The following RBM33 variants were observed in gnomAD, a reference collection of about 807,000 sequenced individuals.
The protein encoded by RBM33 is RNA binding motif protein 33.
A neutral mutation model predicts 132.6 loss-of-function variants in RBM33; 28 were observed. That is an observed-to-expected ratio of 0.21 (90% CI 0.16 to 0.29). The LOEUF (loss-of-function observed/expected upper bound fraction) is 0.29. Ranked by LOEUF, RBM33 falls within the 10% of genes least tolerant of loss-of-function variation. The pLI is 1.00. For synonymous variants in RBM33, 634 were observed against 593.0 expected, an observed-to-expected ratio of 1.07 and a Z score of -1.01; for missense variants, 1,291 against 1,518.5, an observed-to-expected ratio of 0.85 and a Z score of 2.49.
At chr7:155,763,376 C>T (rs1802099927) in intron 14 of RBM33, among the ~76,000 whole-genome samples, 1 of 152,180 alleles carries the variant, frequency 6.6e-6, no homozygotes, top group South Asian at 2.1e-4. Context: ...TCATTGCCTT[C>T]TTAGGGTAGG....
chr7:155,694,251 A>G (rs1799728311), intron 5 of RBM33, among the ~76,000 whole-genome samples: 1 of 152,196 alleles, frequency 6.6e-6, no homozygotes, highest in Non-Finnish European at 1.5e-5. Context: ...AAATCATTAT[A>G]TTTGAAACAA....
chr7:155,759,061 C>G (rs1801943199), intron 14 of RBM33, among the ~76,000 whole-genome samples: 2 of 152,216 alleles, frequency 1.3e-5, no homozygotes, highest in South Asian at 2.1e-4. Context: ...AGGCCTTATT[C>G]CTGTCTTTTC....
chr7:155,667,738 T>C (rs1798837661), intron 2 of RBM33, among the ~76,000 whole-genome samples: 1 of 152,168 alleles, frequency 6.6e-6, no homozygotes, highest in Non-Finnish European at 1.5e-5. Context: ...CCTTAAGAAA[T>C]TCTTCCCTTC....
Position 155,661,463 on chromosome 7 carries a change from A to T in RBM33, c.44-3712A>T, listed in dbSNP as rs1041102277. Among the ~76,000 whole-genome samples the T allele has an allele frequency of 8.4e-5, 12 of 142,768 alleles. No individual in the cohort carries two copies. The East Asian group carries it at 2.3e-3, about 27-fold the overall frequency. The allele number at this position is 142,768 out of a possible 152,430, so 93.7% of individuals were successfully genotyped here. On this transcript the variant is annotated intron_variant, in intron 1 of 17. Coordinates refer to ENST00000401878, the MANE Select transcript of RBM33 (RefSeq NM_053043.3). ...TGCTCTGTGGCCCAGGCTGGAGTGC[A>T]GTGGTGTGGTCTCGGCTCCCTGCAA... is the stretch of plus-strand genomic sequence containing the variant.
chr7:155,744,375 C>G (rs1037072678), intron 13 of RBM33, among the ~76,000 whole-genome samples: 3 of 152,112 alleles, frequency 2.0e-5, no homozygotes, highest in Non-Finnish European at 2.9e-5. Flanking sequence ...AAAGGCGTTC[C>G]TTATATACCA....
chr7:155,694,143 A>G (rs1432399411), intron 5 of RBM33, among the ~76,000 whole-genome samples: 1 of 152,222 alleles, frequency 6.6e-6, no homozygotes, highest in Non-Finnish European at 1.5e-5. Flanking sequence ...TAGAATCTTA[A>G]TTATAGAACT....
At chr7:155,662,276 C>T (rs909549813) in intron 1 of RBM33, among the ~76,000 whole-genome samples, 3 of 152,128 alleles carry the variant, frequency 2.0e-5, no homozygotes, top group Non-Finnish European at 4.4e-5. Flanking sequence ...GTCCATGGTT[C>T]GTGTTTGAGA....
chr7:155,672,807 C>G lies in RBM33; in HGVS notation c.123-60C>G, dbSNP rs1037723656. ...AGTTCTTGGTAAATTTCCAAGTGAT[C>G]TACAAACTTGCAAGTCTTATGGGAA... On this transcript the variant is annotated intron_variant, in intron 2 of 17. Coordinates refer to ENST00000401878, the MANE Select transcript of RBM33 (RefSeq NM_053043.3). 5.2e-6 allele frequency: 6 copies of G among 1,160,466 alleles called. No homozygotes were observed. In the African/African-American group the frequency reaches 9.7e-5, roughly 19 times the overall value. 71.9% of individuals were successfully genotyped at this position (1,160,466 alleles called of 1,614,324 possible). A position where few individuals can be genotyped will look rare whatever the true frequency, so the allele number is the denominator to read the frequency against.
intron 1 of RBM33, among the ~76,000 whole-genome samples, chr7:155,661,092 TGTGTG>T (rs1370083683): frequency 2.8e-4 from 40 of 140,902 alleles, no homozygotes; most frequent in African/African-American, 7.3e-4. Flanking sequence ...TCTGTGTGTG[TGTGTG>T]GTGTGTGTGT....
intron 9 of RBM33, among the ~76,000 whole-genome samples, chr7:155,735,616 T>G (rs1801092754): frequency 6.6e-6 from 1 of 152,032 alleles, no homozygotes; most frequent in Non-Finnish European, 1.5e-5. Context: ...AAGGATCCCT[T>G]GAGCCAAGGA....
chr7:155,725,006 G>T (rs1296076304), intron 9 of RBM33, among the ~76,000 whole-genome samples: 17 of 139,196 alleles, frequency 1.2e-4, no homozygotes, highest in African/African-American at 2.9e-4. Context: ...GTGTGTGTGT[G>T]TGTGTGTGTG....
At chr7:155,695,705 C>T (rs1469752686) in intron 5 of RBM33, among the ~76,000 whole-genome samples, 1 of 152,222 alleles carries the variant, frequency 6.6e-6, no homozygotes, top group African/African-American at 2.4e-5. Flanking sequence ...AAGTGATCTG[C>T]CCGCCTTGGC....
chr7:155,774,464 A>C lies in RBM33; in HGVS notation c.3376-95A>C, dbSNP rs1405277913. ...GTGTTCCAAATGTCCGCCTGGACTC[A>C]TTTTGTGTTAAAACTAATAATGCTT... On this transcript the variant is annotated intron_variant, in intron 16 of 17. Transcript: ENST00000401878. The surrounding 1 kb of genome is among the most constrained non-coding windows in gnomAD (Gnocchi z 4.2). 1 of 899,266 alleles carries C rather than the reference A, an allele frequency of 1.1e-6. No homozygotes were observed. The allele number at this position is 899,266 out of a possible 1,614,324, so 55.7% of individuals were successfully genotyped here.
intron 7 of RBM33, among the ~76,000 whole-genome samples, chr7:155,710,321 C>A (rs913746802): frequency 2.0e-5 from 3 of 152,158 alleles, no homozygotes; most frequent in Non-Finnish European, 2.9e-5. Context: ...GCTACTTGAT[C>A]TTGTAAAAGG....
Position 155,763,816 on chromosome 7 carries a change from G to A in RBM33, c.2984G>A (p.Gly995Glu). ...CTGCCTTCTTGGTTTCAGCAGGGAG[G>A]AGAGAGCGATGGCTTTTTTCACCCA... The part of the protein sequence containing the change: ...VRVIKLSGGG[G>E]ESDGFFHPEG... Residue 995 changes from glycine to glutamate, a missense_variant, in exon 15 of 18, where the codon GGA becomes GAA. Transcript: ENST00000401878. 6.2e-7 allele frequency: 1 copy of A among 1,609,526 alleles called. No homozygotes were observed. The highest frequency in any genetic ancestry group is 8.5e-7 in the Non-Finnish European group (1 of 1,177,978).
intron 9 of RBM33, among the ~76,000 whole-genome samples, chr7:155,722,529 C>G (rs1215271529): frequency 6.6e-6 from 1 of 152,194 alleles, no homozygotes; most frequent in Non-Finnish European, 1.5e-5. Context: ...TCTGCAAAGG[C>G]TATACCTGGT....
chr7:155,652,229 G>C (rs1206999588), intron 1 of RBM33, among the ~76,000 whole-genome samples: 1 of 152,180 alleles, frequency 6.6e-6, no homozygotes, highest in Non-Finnish European at 1.5e-5. Flanking sequence ...AACTTTTTCT[G>C]TAAAGGGTCA....
At position 155,779,415 on chromosome 7, in the gene RBM33, G is replaced by A. The variant is rs182755070; in HGVS notation, c.*4374G>A. 8.1e-4 allele frequency: 123 copies of A among 152,256 alleles called. No homozygotes were observed. The highest frequency in any genetic ancestry group is 2.8e-3 in the African/African-American group (117 of 41,526). The allele number at this position is 152,256 out of a possible 1,614,324, so 9.4% of individuals were successfully genotyped here. A position where few individuals can be genotyped will look rare whatever the true frequency, so the allele number is the denominator to read the frequency against. The stretch of plus-strand genomic sequence containing the variant: ...ACTAGGGAGAGGCTTAGATACTTTA[G>A]TGTATTTAAAGAGCATTTCAGTTAA... On this transcript the variant is annotated 3_prime_UTR_variant, in exon 18 of 18. Transcript: ENST00000401878.
At chr7:155,665,342 C>G in intron 2 of RBM33, 89 bp downstream of exon 2, 1 of 1,139,578 alleles carries the variant, frequency 8.8e-7, no homozygotes, top group South Asian at 1.3e-5. Flanking sequence ...CTGAACGCAG[C>G]ACCTTGACTA....
Sources: allele counts gnomAD v4.1 joint callset (sites outside exome capture counted in the v4.1 genomes callset), GRCh38; gene constraint gnomAD v4.1.1; non-coding constraint Gnocchi (gnomAD v3.1); transcripts MANE v1.5; gene names NCBI Gene and HGNC (gene_info 2026-07-23, HGNC 2026-07-21).